The following HOXC5 variants were observed in gnomAD, a reference collection of about 807,000 sequenced individuals.
HOXC5 encodes the protein homeobox protein Hox-C5.
HOXC5 carries 19 observed loss-of-function variants against 20.1 expected under a neutral mutation model. The ratio of observed to expected loss-of-function variants is 0.94; its 90% CI spans 0.66 to 1.38. The LOEUF is 1.38. HOXC5 is among the 40% of genes most tolerant of loss of function. HOXC5 has a pLI of 0.00. For synonymous variants in HOXC5, 124 were observed against 117.0 expected (o/e 1.06, Z -0.39); for missense variants, 330 against 300.1 (o/e 1.10, Z -0.74).
upstream of HOXC5, chr12:54,028,571 G>T (rs200139629): frequency 6.2e-7 from 1 of 1,613,942 alleles, no homozygotes; most frequent in African/African-American, 1.3e-5. Flanking sequence ...CTCGCCGGGG[G>T]CCAGGACGTC....
At chr12:54,034,038 A>C (rs1245120124) in intron 1 of HOXC5, 2 of 690,222 alleles carry the variant, frequency 2.9e-6, no homozygotes, top group Non-Finnish European at 5.4e-6. Context: ...TCTTCCCCCC[A>C]ACCCCCCCTC....
At chr12:54,025,114 G>A in the HOXC5 span, among the ~76,000 whole-genome samples, 3 of 152,272 alleles carry the variant, frequency 2.0e-5, no homozygotes, top group South Asian at 2.1e-4. Context: ...GGGGGGTAGT[G>A]TTCTCTGATT....
the HOXC5 span, among the ~76,000 whole-genome samples, chr12:54,026,152 G>A: frequency 3.3e-5 from 5 of 152,126 alleles, no homozygotes; most frequent in Admixed American, 6.5e-5. Flanking sequence ...TCTCTCTTCC[G>A]GCCTCTTCTA....
At chr12:54,024,686 A>T in the HOXC5 span, among the ~76,000 whole-genome samples, 2 of 151,564 alleles carry the variant, frequency 1.3e-5, no homozygotes, top group Admixed American at 1.3e-4. Flanking sequence ...TCCCCAGTTC[A>T]GAGCTCACAT....
upstream of HOXC5, chr12:54,030,791 T>C (rs1043470721): frequency 6.6e-6 from 1 of 152,390 alleles, no homozygotes; most frequent in Non-Finnish European, 1.5e-5. Context: ...TTCTCGAATA[T>C]TTAATAAAAC....
At chr12:54,032,488 C>G (rs943288737), upstream of HOXC5, among the ~76,000 whole-genome samples, 2 of 152,230 alleles carry the variant, frequency 1.3e-5, no homozygotes, top group Non-Finnish European at 2.9e-5. Flanking sequence ...GGGCATAGGC[C>G]ACCTTACCTA....
chr12:54,020,115 A>T, the HOXC5 span: 2 of 152,240 alleles, frequency 1.3e-5, no homozygotes, highest in Non-Finnish European at 2.9e-5. Context: ...CACCAGTGGC[A>T]ACTCTAAGCC....
At chr12:54,030,230 TG>T, upstream of HOXC5, 1 of 334,464 alleles carries the variant, frequency 3.0e-6, no homozygotes, top group Non-Finnish European at 5.5e-6. Context: ...GTCCAGGCCT[TG>T]GGGGCTCGGA....
chr12:54,034,654 C>A lies in HOXC5; in HGVS notation c.*162C>A, dbSNP rs1941133885. On this transcript the variant is annotated 3_prime_UTR_variant, in exon 2 of 2. Coordinates refer to ENST00000312492, the MANE Select transcript of HOXC5 (RefSeq NM_018953.4). ...GCGCTTTTCCTTGGCATTCCGCATC[C>A]CTACCGACCCAGGGTTCCCGCGGGG... 15 of 623,274 alleles carry A rather than the reference C, an allele frequency of 2.4e-5. No homozygotes were observed. In the South Asian group the frequency reaches 3.0e-4, roughly 12 times the overall value. The allele number at this position is 623,274 out of a possible 1,614,324, so 38.6% of individuals were successfully genotyped here. A position where few individuals can be genotyped will look rare whatever the true frequency, so the allele number is the denominator to read the frequency against.
Position 54,033,551 on chromosome 12 carries a change from G to T in HOXC5, c.429G>T (p.Trp143Cys), listed in dbSNP as rs1281967216. ...CGGCCCCGCCACAGATTTACCCGTG[G>T]ATGACCAAACTGCACATGAGCCACG... Reference protein sequence around the residue: ...QPPAPPQIYPWMTKLHMSHET... With the variant: ...QPPAPPQIYPCMTKLHMSHET... The change falls in exon 1 of 2, where the codon TGG becomes TGT. Residue 143 changes from tryptophan to cysteine, a missense_variant. By Grantham distance (215) the Trp-to-Cys change is radical (BLOSUM62 -2). Transcript: ENST00000312492. The T allele has an allele frequency of 2.5e-6, 4 of 1,595,860 alleles. No homozygotes were observed. Among genetic ancestry groups the T allele is most frequent in the Non-Finnish European group, 3.4e-6 (4 of 1,175,758 alleles).
At chr12:54,020,642 T>A in the HOXC5 span, 1 of 152,186 alleles carries the variant, frequency 6.6e-6, no homozygotes, top group Admixed American at 6.5e-5. Context: ...ATGCCTATAT[T>A]CGCTCAAACA....
At chr12:54,034,137 G>A (rs1325240063) in intron 1 of HOXC5, 141 bp from the exon 2 acceptor site, 4 of 833,684 alleles carry the variant, frequency 4.8e-6, no homozygotes, top group African/African-American at 1.7e-5. Context: ...GGGCTGGCCC[G>A]CCTGCGGCCC....
chr12:54,026,959 A>G, the HOXC5 span, among the ~76,000 whole-genome samples: 1 of 88,912 alleles, frequency 1.1e-5, no homozygotes, highest in Non-Finnish European at 2.6e-5. Context: ...CCCACCCAAA[A>G]ATGGTGGGGG....
upstream of HOXC5, chr12:54,029,529 G>A: frequency 1.0e-6 from 1 of 982,226 alleles, no homozygotes; most frequent in Non-Finnish European, 1.5e-6. Context: ...AAGGGAGAAG[G>A]CTAGAGCCCT....
At chr12:54,028,705 G>C (rs747377713), upstream of HOXC5, 2 of 1,614,000 alleles carry the variant, frequency 1.2e-6, no homozygotes, top group East Asian at 4.5e-5. Context: ...GGAGAATGTC[G>C]TGTTCAGTTC....
the HOXC5 span, among the ~76,000 whole-genome samples, chr12:54,026,966 G>GT: frequency 3.3e-4 from 20 of 61,266 alleles, no homozygotes; most frequent in Admixed American, 4.5e-4. Flanking sequence ...AAAAATGGTG[G>GT]GGGGGGGGGG....
the HOXC5 span, among the ~76,000 whole-genome samples, chr12:54,026,990 C>T: frequency 6.7e-6 from 1 of 149,324 alleles, no homozygotes; most frequent in Admixed American, 6.7e-5. Context: ...TGAGCTTTCT[C>T]TGCTCCCCGC....
the HOXC5 span, chr12:54,022,394 G>A: frequency 2.0e-5 from 3 of 152,144 alleles, no homozygotes; most frequent in Non-Finnish European, 4.4e-5. Context: ...AATCCTGCCA[G>A]GTGTAGAGTC....
upstream of HOXC5, chr12:54,029,899 C>G (rs1046125618): frequency 6.2e-7 from 1 of 1,609,332 alleles, no homozygotes; most frequent in African/African-American, 1.3e-5. Context: ...GGGCCACCGC[C>G]GACAGCCTGG....
Sources: gnomAD v4.1 joint callset for allele counts (sites outside exome capture counted in the v4.1 genomes callset) on GRCh38, gnomAD v4.1.1 for gene constraint, MANE v1.5 for transcripts, NCBI Gene and HGNC (gene_info 2026-07-23, HGNC 2026-07-21) for gene names.